Variants in DCC observed in about 807,000 individuals in gnomAD.
DCC encodes the protein DCC netrin 1 receptor, also known as netrin receptor DCC.
DCC carries 58 observed loss-of-function variants against 172.5 expected under a neutral mutation model. The observed-to-expected ratio is 0.34, with a 90% confidence interval of 0.27 to 0.42. The LOEUF (loss-of-function observed/expected upper bound fraction) is 0.42, where lower values mean the gene tolerates loss of function less well. DCC is among the 10% of genes least tolerant of loss of function. DCC has a pLI of 1.00. For synonymous variants in DCC, 709 were observed against 644.5 expected, an observed-to-expected ratio of 1.10 and a Z score of -1.52; for missense variants, 1,740 against 1,791.0, an observed-to-expected ratio of 0.97 and a Z score of 0.51.
intron 13 of DCC, among the ~76,000 whole-genome samples, chr18:53,319,976 G>A (rs1224388394): frequency 6.6e-6 from 1 of 151,820 alleles, no homozygotes; most frequent in African/African-American, 2.4e-5. Context: ...CATCACAGAG[G>A]ATATTTCAAA....
intron 9 of DCC, among the ~76,000 whole-genome samples, chr18:53,191,898 C>T (rs772371622): frequency 1.6e-4 from 24 of 152,052 alleles, no homozygotes; most frequent in Non-Finnish European, 3.4e-4. Context: ...TGATCCAGAG[C>T]AGCACACCAG....
At chr18:53,218,299 T>G (rs1418863413) in intron 12 of DCC, among the ~76,000 whole-genome samples, 2 of 152,108 alleles carry the variant, frequency 1.3e-5, no homozygotes, top group Non-Finnish European at 2.9e-5. Flanking sequence ...AACTAACATT[T>G]TTGCAGAAAG....
intron 1 of DCC, among the ~76,000 whole-genome samples, chr18:52,587,040 G>A (rs1381418910): frequency 2.0e-5 from 3 of 152,194 alleles, no homozygotes; most frequent in African/African-American, 7.2e-5. Flanking sequence ...GAAGCACTGG[G>A]TGCAGGATAA....
intron 22 of DCC, among the ~76,000 whole-genome samples, chr18:53,436,946 C>A (rs910203764): frequency 6.6e-6 from 1 of 152,122 alleles, no homozygotes; most frequent in Non-Finnish European, 1.5e-5. Context: ...AAAGGGTGAG[C>A]AAGCTCCCTC....
intron 1 of DCC, among the ~76,000 whole-genome samples, chr18:52,387,947 A>T (rs1254824332): frequency 6.6e-6 from 1 of 152,044 alleles, no homozygotes; most frequent in Non-Finnish European, 1.5e-5. Context: ...ATCATGCTCC[A>T]CTGCCCAGAG....
chr18:53,529,138 T>C (rs1185378149), intron 28 of DCC, among the ~76,000 whole-genome samples: 1 of 151,804 alleles, frequency 6.6e-6, no homozygotes, highest in African/African-American at 2.4e-5. Flanking sequence ...CAGTCCTCTA[T>C]TAAGCCCTGA....
chr18:52,802,439 C>G (rs1054739866), intron 2 of DCC, among the ~76,000 whole-genome samples: 3 of 150,128 alleles, frequency 2.0e-5, no homozygotes, highest in Non-Finnish European at 4.4e-5. Flanking sequence ...TGCCAACCCC[C>G]ACACAATCAA....
At chr18:52,577,531 T>A (rs1167480775) in intron 1 of DCC, among the ~76,000 whole-genome samples, 1 of 152,224 alleles carries the variant, frequency 6.6e-6, no homozygotes, top group Admixed American at 6.5e-5. Flanking sequence ...TCCATAGTTA[T>A]TTTTAACTGT....
chr18:52,521,785 T>G (rs1263917677), intron 1 of DCC, among the ~76,000 whole-genome samples: 1 of 152,182 alleles, frequency 6.6e-6, no homozygotes, highest in Non-Finnish European at 1.5e-5. Flanking sequence ...AGCTTTCTCT[T>G]CTATGTTGAC....
At chr18:52,844,684 T>C (rs1178361266) in intron 2 of DCC, among the ~76,000 whole-genome samples, 1 of 151,768 alleles carries the variant, frequency 6.6e-6, no homozygotes, top group Non-Finnish European at 1.5e-5. Flanking sequence ...TATGAACTAG[T>C]ACAAAGATAA....
chr18:52,586,466 C>T (rs1037555120), intron 1 of DCC, among the ~76,000 whole-genome samples: 1 of 152,090 alleles, frequency 6.6e-6, no homozygotes, highest in African/African-American at 2.4e-5. Context: ...CCTTCTTAGC[C>T]TGTTGATTTA....
intron 1 of DCC, among the ~76,000 whole-genome samples, chr18:52,645,727 C>T (rs923832142): frequency 1.3e-5 from 2 of 152,094 alleles, no homozygotes; most frequent in East Asian, 3.9e-4. Flanking sequence ...CCATGCAGCC[C>T]GTTCAGATGT....
rs569192104 is a variant in DCC at position 53,077,612 on chromosome 18, C to A, written c.1261+11446C>A. ...GATGAGCAGTTCTGGTCAGTGGACT[C>A]TCCCATGGTTATTTTTCTCTTACTT... On this transcript the variant is annotated intron_variant, in intron 7 of 28. Coordinates refer to ENST00000442544, the MANE Select transcript of DCC (RefSeq NM_005215.4). Among the ~76,000 whole-genome samples, 18 of 152,270 alleles carry A rather than the reference C, an allele frequency of 1.2e-4. No homozygotes were observed. In the South Asian group the frequency reaches 3.7e-3, roughly 32 times the overall value.
intron 12 of DCC, among the ~76,000 whole-genome samples, chr18:53,257,109 T>G (rs1334407365): frequency 3.9e-5 from 6 of 152,224 alleles, no homozygotes; most frequent in Non-Finnish European, 8.8e-5. Flanking sequence ...AAGGAGATTT[T>G]GGGCTGAGAC....
chr18:53,005,455 T>C (rs1309334557), intron 5 of DCC, among the ~76,000 whole-genome samples: 2 of 152,182 alleles, frequency 1.3e-5, no homozygotes, highest in South Asian at 4.1e-4. Context: ...ATCTTGTCGC[T>C]GAGCATGGTG....
intron 2 of DCC, among the ~76,000 whole-genome samples, chr18:52,865,049 T>C (rs922570522): frequency 6.6e-6 from 1 of 151,942 alleles, no homozygotes; most frequent in Non-Finnish European, 1.5e-5. Flanking sequence ...GTATTTTTAG[T>C]ATAGATGGGG....
At chr18:52,483,320 T>C (rs146063865) in intron 1 of DCC, among the ~76,000 whole-genome samples, 1 of 152,270 alleles carries the variant, frequency 6.6e-6, no homozygotes, top group East Asian at 1.9e-4. Context: ...TGCAGCCAAC[T>C]ATATCTTTAG....
intron 1 of DCC, among the ~76,000 whole-genome samples, chr18:52,699,815 C>G (rs1377175318): frequency 6.6e-6 from 1 of 152,026 alleles, no homozygotes; most frequent in Non-Finnish European, 1.5e-5. Flanking sequence ...AGTCCCATAT[C>G]CCCAATTCTT....
At chr18:52,953,945 A>G (rs1598965928) in intron 5 of DCC, among the ~76,000 whole-genome samples, 1 of 152,232 alleles carries the variant, frequency 6.6e-6, no homozygotes, top group Non-Finnish European at 1.5e-5. Context: ...CTAAAACACC[A>G]TGGTGATGTT....
Sources: gnomAD v4.1 joint callset for allele counts (sites outside exome capture counted in the v4.1 genomes callset) on GRCh38, gnomAD v4.1.1 for gene constraint, MANE v1.5 for transcripts, NCBI Gene and HGNC (gene_info 2026-07-23, HGNC 2026-07-21) for gene names.